Variants in VANGL1 observed in about 807,000 individuals in gnomAD.
VANGL1 encodes the protein vang-like protein 1.
VANGL1 carries 18 observed loss-of-function variants against 48.4 expected under a neutral mutation model. The observed-to-expected ratio is 0.37, with a 90% CI of 0.26 to 0.55. The LOEUF (loss-of-function observed/expected upper bound fraction) is 0.55, where lower values mean the gene tolerates loss of function less well. VANGL1 is among the 20% of genes least tolerant of loss of function. The pLI is 0.81. For missense variants in VANGL1, 667 were observed against 675.8 expected, an observed-to-expected ratio of 0.99 and a Z score of 0.14; for synonymous variants, 257 against 261.8, an observed-to-expected ratio of 0.98 and a Z score of 0.18.
At chr1:115,662,889 C>A (rs191361705) in intron 3 of VANGL1, among the ~76,000 whole-genome samples, 6 of 151,642 alleles carry the variant, frequency 4.0e-5, no homozygotes, top group Admixed American at 2.6e-4. Flanking sequence ...CGGGTTCAAG[C>A]GATTCTCCTG....
chr1:115,659,735 C>T lies in VANGL1; in HGVS notation c.166C>T (p.Leu56=). Residue 56 remains leucine, a synonymous_variant, in exon 3 of 8, where the codon CTG becomes TTG. Coordinates refer to ENST00000355485, the MANE Select transcript of VANGL1 (RefSeq NM_138959.3). Reference sequence around the variant, plus strand: ...CATTCAACCTCCCACTGGAGAGCCCCTGTTGGGAAATGATTCTACTCGGAC... The same window carrying T: ...CATTCAACCTCCCACTGGAGAGCCCTTGTTGGGAAATGATTCTACTCGGAC... ...VTIQPPTGEP[L]LGNDSTRTEE... 3 of 1,614,166 alleles carry T rather than the reference C, an allele frequency of 1.9e-6. No individual in the cohort carries two copies. The highest frequency in any genetic ancestry group is 2.5e-6 in the Non-Finnish European group (3 of 1,180,030).
At chr1:115,657,183 T>C (rs1348100609) in intron 2 of VANGL1, among the ~76,000 whole-genome samples, 4 of 152,254 alleles carry the variant, frequency 2.6e-5, no homozygotes, top group African/African-American at 7.2e-5. Context: ...CACAGCTTTG[T>C]GCTATCTAAG....
intron 2 of VANGL1, among the ~76,000 whole-genome samples, chr1:115,654,329 G>T (rs1405796452): frequency 6.6e-6 from 1 of 151,756 alleles, no homozygotes; most frequent in Non-Finnish European, 1.5e-5. Context: ...ACAAGTGACT[G>T]TTTTCTAACA....
intron 3 of VANGL1, among the ~76,000 whole-genome samples, chr1:115,660,674 A>G (rs149156500): frequency 6.6e-6 from 1 of 152,190 alleles, no homozygotes; most frequent in East Asian, 1.9e-4. Context: ...AAAGTGGTGT[A>G]TGATACACAG....
rs760417261 is a variant in VANGL1 at position 115,692,579 on chromosome 1, T to G, written c.*1200T>G. On this transcript the variant is annotated 3_prime_UTR_variant, in exon 8 of 8. Coordinates refer to ENST00000355485, the MANE Select transcript of VANGL1 (RefSeq NM_138959.3). The stretch of plus-strand genomic sequence containing the variant: ...AAGTGGGGAGAAGGAAAATGGACAC[T>G]CTACAGAGTTTGGGGAAGGGAGAGT... The G allele has an allele frequency of 6.5e-6, 1 of 152,744 alleles. No homozygotes were observed. The highest frequency in any genetic ancestry group is 1.5e-5 in the Non-Finnish European group (1 of 68,118). 9.5% of individuals were successfully genotyped at this position (152,744 alleles called of 1,614,324 possible).
intron 2 of VANGL1, among the ~76,000 whole-genome samples, chr1:115,656,372 T>C (rs1205069365): frequency 6.6e-6 from 1 of 152,170 alleles, no homozygotes; most frequent in Non-Finnish European, 1.5e-5. Flanking sequence ...CTAGGAGCAT[T>C]TGGGGAAGAG....
intron 1 of VANGL1, among the ~76,000 whole-genome samples, chr1:115,642,441 G>A (rs990052738): frequency 6.6e-6 from 1 of 152,000 alleles, no homozygotes; most frequent in Non-Finnish European, 1.5e-5. Flanking sequence ...GCGCCCCTTC[G>A]GTGCGCGTGC....
At chr1:115,665,757 C>T (rs904778716) in intron 4 of VANGL1, among the ~76,000 whole-genome samples, 9 of 152,226 alleles carry the variant, frequency 5.9e-5, no homozygotes, top group South Asian at 2.1e-4. Context: ...AGTAGGTCAC[C>T]GCTTTGCTGC....
chr1:115,674,870 A>C (rs1434986688), intron 4 of VANGL1, among the ~76,000 whole-genome samples: 3 of 152,202 alleles, frequency 2.0e-5, no homozygotes, highest in Non-Finnish European at 4.4e-5. Context: ...GTAAGAATAC[A>C]AGTTTGATTG....
Position 115,691,113 on chromosome 1 carries a change from T to C in VANGL1, c.1315-6T>C. The C allele has an allele frequency of 1.9e-6, 3 of 1,614,164 alleles. No homozygotes were observed. The highest frequency in any genetic ancestry group is 1.7e-6 in the Non-Finnish European group (2 of 1,180,026). On this transcript the variant is annotated splice_region_variant and splice_polypyrimidine_tract_variant and intron_variant, in intron 7 of 7. Coordinates refer to ENST00000355485, the MANE Select transcript of VANGL1 (RefSeq NM_138959.3). ...TTCCCTAATGGCCTTTCTCCTCTGCTTCCAGGCCTTCCTAGAACGGTACCT... is the reference window on the plus strand; with the variant it reads ...TTCCCTAATGGCCTTTCTCCTCTGCCTCCAGGCCTTCCTAGAACGGTACCT...
chr1:115,678,944 A>T (rs1203186022), intron 4 of VANGL1, among the ~76,000 whole-genome samples: 1 of 140,146 alleles, frequency 7.1e-6, no homozygotes, highest in Non-Finnish European at 1.6e-5. Context: ...ACAGCGGGAG[A>T]CTGTCTCAAA....
At chr1:115,662,108 C>A (rs1232807559) in intron 3 of VANGL1, among the ~76,000 whole-genome samples, 3 of 152,188 alleles carry the variant, frequency 2.0e-5, no homozygotes, top group Admixed American at 6.5e-5. Context: ...ATAGGAATTT[C>A]TCTCACTGTA....
At chr1:115,656,779 T>A (rs1399114273) in intron 2 of VANGL1, among the ~76,000 whole-genome samples, 1 of 152,158 alleles carries the variant, frequency 6.6e-6, no homozygotes, top group African/African-American at 2.4e-5. Context: ...CCTGGGTGGC[T>A]CCCCACCTGC....
At chr1:115,644,138 G>A (rs1356491372) in intron 1 of VANGL1, among the ~76,000 whole-genome samples, 1 of 152,204 alleles carries the variant, frequency 6.6e-6, no homozygotes, top group East Asian at 1.9e-4. Context: ...AACAATTCTA[G>A]TAATTGCTAC....
chr1:115,664,885 G>T (rs1220868355), intron 4 of VANGL1, among the ~76,000 whole-genome samples: 2 of 152,174 alleles, frequency 1.3e-5, no homozygotes, highest in South Asian at 2.1e-4. Context: ...TCATTATTTT[G>T]TGGTTAAATA....
At chr1:115,661,745 A>C (rs948154171) in intron 3 of VANGL1, among the ~76,000 whole-genome samples, 1 of 151,790 alleles carries the variant, frequency 6.6e-6, no homozygotes, top group African/African-American at 2.4e-5. Flanking sequence ...AGCCTCCCGA[A>C]TAGCCGGGAT....
chr1:115,656,138 G>A (rs1652345520), intron 2 of VANGL1, among the ~76,000 whole-genome samples: 1 of 152,206 alleles, frequency 6.6e-6, no homozygotes, highest in Non-Finnish European at 1.5e-5. Flanking sequence ...ACTTGACAGT[G>A]GGTGGAAGGT....
At chr1:115,674,652 C>T (rs1375151336) in intron 4 of VANGL1, among the ~76,000 whole-genome samples, 6 of 152,112 alleles carry the variant, frequency 3.9e-5, no homozygotes, top group African/African-American at 1.2e-4. Context: ...ACATTTTCCA[C>T]GTGTGAAGAA....
At position 115,691,691 on chromosome 1, in the gene VANGL1, A is replaced by G; in HGVS notation, c.*312A>G. ...TTCTTGGGAGCCTCGCCTTACAACT[A>G]ATTCCTGCCTTTCGTCCAGTACCAA... On this transcript the variant is annotated 3_prime_UTR_variant, in exon 8 of 8. Coordinates refer to ENST00000355485, the MANE Select transcript of VANGL1 (RefSeq NM_138959.3). The G allele has an allele frequency of 3.1e-6, 1 of 321,066 alleles. No homozygotes were observed. The highest frequency in any genetic ancestry group is 5.7e-6 in the Non-Finnish European group (1 of 175,472). The allele number at this position is 321,066 out of a possible 1,614,324, so 19.9% of individuals were successfully genotyped here. A position where few individuals can be genotyped will look rare whatever the true frequency, so the allele number is the denominator to read the frequency against.
Sources: gnomAD v4.1 joint callset for allele counts (sites outside exome capture counted in the v4.1 genomes callset) on GRCh38, gnomAD v4.1.1 for gene constraint, MANE v1.5 for transcripts, NCBI Gene and HGNC (gene_info 2026-07-23, HGNC 2026-07-21) for gene names.